The following RNLS variants were observed in gnomAD, a reference collection of about 807,000 sequenced individuals.
RNLS encodes the protein renalase.
RNLS carries 39 observed loss-of-function variants against 39.8 expected under a neutral mutation model. That is an observed-to-expected ratio of 0.98 (90% CI 0.76 to 1.28). The LOEUF is 1.28. Among genes scored for constraint, RNLS ranks in the 50% most tolerant of loss-of-function variants. The pLI is 0.00. For synonymous variants in RNLS, 147 were observed against 150.7 expected (o/e 0.98, Z 0.18); for missense variants, 410 against 413.3 (o/e 0.99, Z 0.07).
At chr10:88,340,024 G>A (rs147254883) in intron 5 of RNLS, among the ~76,000 whole-genome samples, 79 of 152,262 alleles carry the variant, frequency 5.2e-4, no homozygotes, top group African/African-American at 1.9e-3. Context: ...CCTACACCTC[G>A]TTCTTAGGAC....
intron 4 of RNLS, among the ~76,000 whole-genome samples, chr10:88,476,398 T>C (rs1726069994): frequency 6.6e-6 from 1 of 152,156 alleles, no homozygotes; most frequent in Non-Finnish European, 1.5e-5. Flanking sequence ...TAATTACACA[T>C]AGTTTGCTGA....
chr10:88,542,477 G>A (rs1848098659), intron 4 of RNLS, among the ~76,000 whole-genome samples: 1 of 152,168 alleles, frequency 6.6e-6, no homozygotes, highest in African/African-American at 2.4e-5. Context: ...AACTTTTTCT[G>A]TCAATGGGCA....
chr10:88,372,823 T>C lies in RNLS; in HGVS notation c.527-10098A>G, dbSNP rs528441811. Among the ~76,000 whole-genome samples, 18 of 152,298 alleles carry C rather than the reference T, an allele frequency of 1.2e-4. 1 individual carries two copies. In the South Asian group the frequency reaches 3.7e-3, roughly 32 times the overall value. On this transcript the variant is annotated intron_variant, in intron 4 of 6. Coordinates refer to ENST00000331772, the MANE Select transcript of RNLS (RefSeq NM_001031709.3). ...CACGTATTTGGCTTTCTTGTTTTCT[T>C]TACAGAACACATACACTAAGTCTGC...
chr10:88,466,988 G>A (rs1369031974), intron 4 of RNLS, among the ~76,000 whole-genome samples: 3 of 152,126 alleles, frequency 2.0e-5, no homozygotes, highest in African/African-American at 7.2e-5. Flanking sequence ...TTACAGCTGA[G>A]TAACAAACCT....
chr10:88,274,668 C>T lies in RNLS; in HGVS notation c.*293G>A, dbSNP rs117785280. The T allele has an allele frequency of 2.4e-4, 76 of 313,308 alleles. 1 individual carries two copies. In the East Asian group the frequency reaches 4.4e-3, roughly 18 times the overall value. 19.4% of individuals were successfully genotyped at this position (313,308 alleles called of 1,614,324 possible). ...CTGTGAACATTGGTGTACAAATGTT[C>T]GTTCAAGTCCCTACTTTCACTTCTT... On this transcript the variant is annotated 3_prime_UTR_variant, in exon 7 of 7. Coordinates refer to the RNLS transcript ENST00000371947.
Position 88,362,747 on chromosome 10 carries a change from G to C in RNLS, c.527-22C>G, listed in dbSNP as rs77089728. On this transcript the variant is annotated intron_variant, in intron 4 of 6. Coordinates refer to ENST00000331772, the MANE Select transcript of RNLS (RefSeq NM_001031709.3). Reference sequence around the variant, plus strand: ...ATTACTGTGGAAGAAAAAATAAAAGGCATCAAACTTAAAAATACCATCTTT... The same window carrying C: ...ATTACTGTGGAAGAAAAAATAAAAGCCATCAAACTTAAAAATACCATCTTT... The C allele has an allele frequency of 7.3e-4, 1,167 of 1,603,268 alleles. 5 individuals are homozygous for C. Among genetic ancestry groups the C allele is most frequent in the Middle Eastern group, 1.5e-3 (9 of 5,986 alleles).
At chr10:88,460,822 T>C (rs1261437246) in intron 4 of RNLS, among the ~76,000 whole-genome samples, 1 of 152,166 alleles carries the variant, frequency 6.6e-6, no homozygotes, top group Non-Finnish European at 1.5e-5. Flanking sequence ...CCAGTGATCC[T>C]GTATCATGTT....
intron 4 of RNLS, among the ~76,000 whole-genome samples, chr10:88,548,289 A>AAAAAG (rs1554927073): frequency 0.13 from 9,917 of 75,710 alleles, 727 homozygotes; most frequent in East Asian, 0.16. Context: ...AAAAAAAAAA[A>AAAAAG]AAAAGAAAAG....
chr10:88,542,552 A>G (rs1158280528), intron 4 of RNLS, among the ~76,000 whole-genome samples: 2 of 152,158 alleles, frequency 1.3e-5, no homozygotes, highest in African/African-American at 4.8e-5. Context: ...AAAAGGTTAA[A>G]TGATTAATTT....
At chr10:88,304,033 C>T (rs1009026887) in intron 6 of RNLS, among the ~76,000 whole-genome samples, 5 of 152,216 alleles carry the variant, frequency 3.3e-5, no homozygotes, top group African/African-American at 1.2e-4. Flanking sequence ...AAAGTTGGGG[C>T]CCACTACAAG....
chr10:88,386,923 A>G (rs1283185206), intron 4 of RNLS, among the ~76,000 whole-genome samples: 1 of 152,220 alleles, frequency 6.6e-6, no homozygotes, highest in African/African-American at 2.4e-5. Flanking sequence ...AAGCCCAGTG[A>G]GGTTCCAGTG....
chr10:88,527,256 T>C (rs1342332443), intron 4 of RNLS, among the ~76,000 whole-genome samples: 2 of 152,052 alleles, frequency 1.3e-5, no homozygotes, highest in East Asian at 1.9e-4. Context: ...ACCTTCCCCA[T>C]CCCCAGGCAG....
intron 4 of RNLS, among the ~76,000 whole-genome samples, chr10:88,455,395 G>A (rs2133913328): frequency 6.6e-6 from 1 of 152,126 alleles, no homozygotes; most frequent in Admixed American, 6.5e-5. Context: ...TAACTACATG[G>A]CCTTATAATT....
chr10:88,333,208 T>A lies in RNLS; in HGVS notation c.701-18567A>T, dbSNP rs576756337. On this transcript the variant is annotated intron_variant, in intron 5 of 6. Transcript: ENST00000331772. ...AAATTAAGTGGAACTTCTCGGTCCC[T>A]GATATGGTTATGTACAGTGTAAATC... Among the ~76,000 whole-genome samples the A allele has an allele frequency of 3.7e-4, 56 of 152,374 alleles. 1 individual carries two copies. In the South Asian group the frequency reaches 0.011, roughly 30 times the overall value.
intron 4 of RNLS, among the ~76,000 whole-genome samples, chr10:88,440,157 G>A (rs1238990886): frequency 6.6e-6 from 1 of 152,108 alleles, no homozygotes; most frequent in Admixed American, 6.5e-5. Flanking sequence ...ACAAACATTT[G>A]TACTCTCATA....
the RNLS span, among the ~76,000 whole-genome samples, chr10:88,202,193 C>T: frequency 6.7e-6 from 1 of 150,140 alleles, no homozygotes; most frequent in African/African-American, 2.5e-5. Context: ...CAAACTATCG[C>T]AAGGACAAAA....
chr10:88,547,470 A>G (rs919573724), intron 4 of RNLS, among the ~76,000 whole-genome samples: 1 of 152,216 alleles, frequency 6.6e-6, no homozygotes, highest in Non-Finnish European at 1.5e-5. Context: ...GATAAAATAG[A>G]CTATATCTGG....
intron 4 of RNLS, among the ~76,000 whole-genome samples, chr10:88,407,356 T>C (rs1853344356): frequency 6.6e-6 from 1 of 151,964 alleles, no homozygotes; most frequent in Non-Finnish European, 1.5e-5. Context: ...GCTAGTTTGG[T>C]TAGGTTTGTG....
intron 5 of RNLS, among the ~76,000 whole-genome samples, chr10:88,320,371 T>C (rs1187029261): frequency 2.0e-5 from 3 of 151,506 alleles, no homozygotes; most frequent in Non-Finnish European, 4.4e-5. Context: ...ACGGATCCTA[T>C]AAAGCAATTA....
Sources: allele counts gnomAD v4.1 joint callset (sites outside exome capture counted in the v4.1 genomes callset), GRCh38; gene constraint gnomAD v4.1.1; transcripts MANE v1.5; gene names NCBI Gene and HGNC (gene_info 2026-07-23, HGNC 2026-07-21).